Variants in HLA-E observed in about 807,000 individuals in gnomAD.
HLA-E encodes major histocompatibility complex, class I, E, also known as HLA class I histocompatibility antigen, alpha chain E.
In HLA-E, 25 loss-of-function variants were observed where a neutral mutation model predicts 43.4. The observed-to-expected ratio is 0.58, with a 90% CI of 0.42 to 0.80. The LOEUF (loss-of-function observed/expected upper bound fraction) is 0.80, where lower values mean the gene tolerates loss of function less well. HLA-E is among the 30% of genes least tolerant of loss of function. The probability of loss-of-function intolerance (pLI) is 0.00; values close to 1 mark genes in which losing one functional copy is unlikely to be tolerated. For synonymous variants in HLA-E, 161 were observed against 197.6 expected, an observed-to-expected ratio of 0.81 and a Z score of 1.55; for missense variants, 343 against 470.0, an observed-to-expected ratio of 0.73 and a Z score of 2.50.
At position 30,492,994 on chromosome 6, in the gene HLA-E, A is replaced by C; in HGVS notation, c.*248A>C. ...GTGTTCCTTCCCTGTTCTCTTTTCTATTAAAAATAAGAACCTGGGCAGAGT... is the reference window on the plus strand; with the variant it reads ...GTGTTCCTTCCCTGTTCTCTTTTCTCTTAAAAATAAGAACCTGGGCAGAGT... On this transcript the variant is annotated 3_prime_UTR_variant, in exon 8 of 8. Transcript: ENST00000376630. This position sits in a 1 kb window ranked among gnomAD's most constrained non-coding sequence, Gnocchi z 4.5. 1 of 217,210 alleles carries C rather than the reference A, an allele frequency of 4.6e-6. No homozygotes were observed. Among genetic ancestry groups the C allele is most frequent in the Non-Finnish European group, 9.0e-6 (1 of 111,208 alleles). The allele number at this position is 217,210 out of a possible 1,614,324, so 13.5% of individuals were successfully genotyped here. A position where few individuals can be genotyped will look rare whatever the true frequency, so the allele number is the denominator to read the frequency against.
At position 30,489,572 on chromosome 6, in the gene HLA-E, T is replaced by A. The variant is rs1796383631; in HGVS notation, c.41T>A (p.Leu14Gln). ...CTCCTTTTACTCCTCTCGGAGGCCC[T>A]GGCCCTTACCCAGACCTGGGCGGGT... ...GTLLLLLSEALALTQTWAGSH... is the reference protein window; with the variant it reads ...GTLLLLLSEAQALTQTWAGSH... Residue 14 changes from leucine (L) to glutamine (Q), a missense_variant, in exon 1 of 8, where the codon CTG (leucine) becomes CAG (glutamine). Coordinates refer to ENST00000376630, the MANE Select transcript of HLA-E (RefSeq NM_005516.6). The surrounding 1 kb of genome is among the most constrained non-coding windows in gnomAD (Gnocchi z 5.6). The A allele has an allele frequency of 6.5e-7, 1 of 1,550,206 alleles. No individual in the cohort carries two copies. The highest frequency in any genetic ancestry group is 1.4e-5 in the African/African-American group (1 of 72,778).
In HLA-E at chr6:30,490,138, C is replaced by A. The variant is rs1796439596; in HGVS notation, c.335-102C>A. The A allele has an allele frequency of 3.3e-6, 5 of 1,508,204 alleles. No individual in the cohort carries two copies. The highest frequency in any genetic ancestry group is 4.5e-6 in the Non-Finnish European group (5 of 1,112,714). The allele number at this position is 1,508,204 out of a possible 1,614,324, so 93.4% of individuals were successfully genotyped here. A position where few individuals can be genotyped will look rare whatever the true frequency, so the allele number is the denominator to read the frequency against. On this transcript the variant is annotated intron_variant, in intron 2 of 7. Transcript: ENST00000376630. The surrounding 1 kb of genome is among the most constrained non-coding windows in gnomAD (Gnocchi z 6.6). ...ACCCTAGACCGGGGAGAGTCTCAGG[C>A]GCCTTTACCCGGTTCTTTTTCAGTT...
rs1796584164 is a variant in HLA-E, at chr6:30,492,110, C to CTT, written c.1004-291_1004-290dup. 6.6e-6 allele frequency among the ~76,000 whole-genome samples: 1 copy of CTT among 152,056 alleles called. No individual in the cohort carries two copies. Among genetic ancestry groups the CTT allele is most frequent in the Admixed American group, 6.6e-5 (1 of 15,248 alleles). Reference sequence around the variant, plus strand: ...GCCACCGCACCCAGCCGCACCTACTCTTTTGTAAAGCACCTGTGACAATGA... The same window carrying CTT: ...GCCACCGCACCCAGCCGCACCTACTCTTTTTTGTAAAGCACCTGTGACAATGA... On this transcript the variant is annotated intron_variant, in intron 5 of 7. Transcript: ENST00000376630. The surrounding 1 kb of genome is among the most constrained non-coding windows in gnomAD (Gnocchi z 4.5).
rs1203383457 is a variant in HLA-E, at chr6:30,490,191, C to T, written c.335-49C>T. Reference sequence around the variant, plus strand: ...GGCCAAAATGCCCACAGGGTGGTGGCGACGGGGGCGGGGCTTGGTGGGCGG... The same window carrying T: ...GGCCAAAATGCCCACAGGGTGGTGGTGACGGGGGCGGGGCTTGGTGGGCGG... On this transcript the variant is annotated intron_variant, in intron 2 of 7. Coordinates refer to ENST00000376630, the MANE Select transcript of HLA-E (RefSeq NM_005516.6). The surrounding 1 kb of genome is among the most constrained non-coding windows in gnomAD (Gnocchi z 6.6). 5 of 1,546,238 alleles carry T rather than the reference C, an allele frequency of 3.2e-6. No homozygotes were observed. Among genetic ancestry groups the T allele is most frequent in the Non-Finnish European group, 4.4e-6 (5 of 1,138,154 alleles).
At position 30,492,565 on chromosome 6, in the gene HLA-E, A is replaced by G; in HGVS notation, c.1061A>G (p.Glu354Gly). 1 of 1,613,898 alleles carries G rather than the reference A, an allele frequency of 6.2e-7. No individual in the cohort carries two copies. The highest frequency in any genetic ancestry group is 1.1e-5 in the South Asian group (1 of 91,074). Residue 354 changes from glutamate (E) to glycine (G), a missense_variant, in exon 7 of 8, where the codon GAG (glutamate) becomes GGG (glycine). Coordinates refer to ENST00000376630, the MANE Select transcript of HLA-E (RefSeq NM_005516.6). This position sits in a 1 kb window ranked among gnomAD's most constrained non-coding sequence, Gnocchi z 4.5. ...AEWSDSAQGS[E>G]SHSL ...GGGAGCGACAGTGCCCAGGGGTCTG[A>G]GTCTCACAGCTTGTAAAGGTGAGAT...
rs971467378 is a variant in HLA-E, at chr6:30,489,869, G to A, written c.208G>A (p.Ala70Thr). ...CGCGAGTCCGAGGATGGTGCCGCGG[G>A]CGCCGTGGATGGAGCAGGAGGGGTC... ...DAASPRMVPR[A>T]PWMEQEGSEY... Residue 70 changes from alanine (A) to threonine (T), a missense_variant, in exon 2 of 8, where the codon GCG becomes ACG. Coordinates refer to ENST00000376630, the MANE Select transcript of HLA-E (RefSeq NM_005516.6). The surrounding 1 kb of genome is among the most constrained non-coding windows in gnomAD (Gnocchi z 5.6). 4 of 1,613,082 alleles carry A rather than the reference G, an allele frequency of 2.5e-6. No homozygotes were observed. Among genetic ancestry groups the A allele is most frequent in the Non-Finnish European group, 3.4e-6 (4 of 1,180,014 alleles).
At position 30,492,838 on chromosome 6, in the gene HLA-E, T is replaced by A; in HGVS notation, c.*92T>A. ...GATTTCCTCACGCCTCCCCTATGTG[T>A]CTTAGGGGACTCTGGCTTCTCTTTT... On this transcript the variant is annotated 3_prime_UTR_variant, in exon 8 of 8. Transcript: ENST00000376630. The surrounding 1 kb of genome is among the most constrained non-coding windows in gnomAD (Gnocchi z 4.5). The A allele has an allele frequency of 3.2e-6, 2 of 625,958 alleles. No individual in the cohort carries two copies. Among genetic ancestry groups the A allele is most frequent in the Non-Finnish European group, 5.7e-6 (2 of 351,124 alleles). 38.8% of individuals were successfully genotyped at this position (625,958 alleles called of 1,614,324 possible).
chr6:30,489,693 G>A lies in HLA-E; in HGVS notation c.65-33G>A, dbSNP rs1796398786. ...CTCGGGGAGCCGCGCCGGGAGGAGG[G>A]TCGGGCCGATCTCAGCCCCTCCTCG... is the stretch of plus-strand genomic sequence containing the variant. On this transcript the variant is annotated intron_variant, in intron 1 of 7. Coordinates refer to ENST00000376630, the MANE Select transcript of HLA-E (RefSeq NM_005516.6). This position sits in a 1 kb window ranked among gnomAD's most constrained non-coding sequence, Gnocchi z 5.6. The A allele has an allele frequency of 1.2e-6, 2 of 1,611,694 alleles. No homozygotes were observed. The highest frequency in any genetic ancestry group is 1.7e-6 in the Non-Finnish European group (2 of 1,179,492).
In HLA-E at chr6:30,492,949, C is replaced by A; in HGVS notation, c.*203C>A. The A allele has an allele frequency of 2.9e-6, 1 of 349,632 alleles. No homozygotes were observed. The highest frequency in any genetic ancestry group is 5.2e-6 in the Non-Finnish European group (1 of 192,964). The allele number at this position is 349,632 out of a possible 1,614,324, so 21.7% of individuals were successfully genotyped here. ...AGTCCACCTCTGTGTCTACCATGAC[C>A]CCCTTCCTCACACTGACCTGTGTTC... On this transcript the variant is annotated 3_prime_UTR_variant, in exon 8 of 8. Coordinates refer to ENST00000376630, the MANE Select transcript of HLA-E (RefSeq NM_005516.6). This position sits in a 1 kb window ranked among gnomAD's most constrained non-coding sequence, Gnocchi z 4.5.
rs1189421894 is a variant in HLA-E, at chr6:30,490,806, T to A, written c.610+291T>A. Among the ~76,000 whole-genome samples the A allele has an allele frequency of 1.3e-5, 2 of 152,148 alleles. No individual in the cohort carries two copies. Among genetic ancestry groups the A allele is most frequent in the African/African-American group, 4.8e-5 (2 of 41,420 alleles). On this transcript the variant is annotated intron_variant, in intron 3 of 7. Coordinates refer to ENST00000376630, the MANE Select transcript of HLA-E (RefSeq NM_005516.6). The surrounding 1 kb of genome is among the most constrained non-coding windows in gnomAD (Gnocchi z 6.6). ...TCTCTTTGACTCCCAGTATTAGGAA[T>A]CACGGGGGAGTTTCTCTCGTGCCTG...
Position 30,491,911 on chromosome 6 carries a change from C to T in HLA-E, c.1003+258C>T, listed in dbSNP as rs530135961. ...TCCCAGGTTCAAGCAATTCTCCTGC[C>T]TCAGCCTCCCTAGTAGCTGGGACTA... On this transcript the variant is annotated intron_variant, in intron 5 of 7. Coordinates refer to ENST00000376630, the MANE Select transcript of HLA-E (RefSeq NM_005516.6). This position sits in a 1 kb window ranked among gnomAD's most constrained non-coding sequence, Gnocchi z 5.4. Among the ~76,000 whole-genome samples, 1 of 152,268 alleles carries T rather than the reference C, an allele frequency of 6.6e-6. No individual in the cohort carries two copies. Among genetic ancestry groups the T allele is most frequent in the East Asian group, 1.9e-4 (1 of 5,178 alleles).
At position 30,492,797 on chromosome 6, in the gene HLA-E, T is replaced by C; in HGVS notation, c.*51T>C. 1.5e-6 allele frequency: 1 copy of C among 676,196 alleles called. No homozygotes were observed. Among genetic ancestry groups the C allele is most frequent in the Non-Finnish European group, 2.7e-6 (1 of 374,952 alleles). 41.9% of individuals were successfully genotyped at this position (676,196 alleles called of 1,614,324 possible). ...GACTGAGATGCACAGCTGCCTTGTG[T>C]GCGACTGAGATGCAGGATTTCCTCA... On this transcript the variant is annotated 3_prime_UTR_variant, in exon 8 of 8. Transcript: ENST00000376630. The surrounding 1 kb of genome is among the most constrained non-coding windows in gnomAD (Gnocchi z 4.5).
chr6:30,490,106 C>T lies in HLA-E; in HGVS notation c.334+111C>T. On this transcript the variant is annotated intron_variant, in intron 2 of 7. Transcript: ENST00000376630. The surrounding 1 kb of genome is among the most constrained non-coding windows in gnomAD (Gnocchi z 6.6). ...AGATTCACCCCAAGGCTGCGGAACC[C>T]GCCCAGACCCTAGACCGGGGAGAGT... The T allele has an allele frequency of 6.7e-7, 1 of 1,501,484 alleles. No individual in the cohort carries two copies. Among genetic ancestry groups the T allele is most frequent in the South Asian group, 1.2e-5 (1 of 80,784 alleles). 93.0% of individuals were successfully genotyped at this position (1,501,484 alleles called of 1,614,324 possible). A position where few individuals can be genotyped will look rare whatever the true frequency, so the allele number is the denominator to read the frequency against.
At position 30,493,758 on chromosome 6, in the gene HLA-E, T is replaced by A. The variant is rs1796688635; in HGVS notation, c.*1012T>A. 1 of 152,132 alleles carries A rather than the reference T, an allele frequency of 6.6e-6. No homozygotes were observed. The highest frequency in any genetic ancestry group is 6.6e-5 in the Admixed American group (1 of 15,260). The allele number at this position is 152,132 out of a possible 1,614,324, so 9.4% of individuals were successfully genotyped here. On this transcript the variant is annotated 3_prime_UTR_variant, in exon 8 of 8. Transcript: ENST00000376630. This position sits in a 1 kb window ranked among gnomAD's most constrained non-coding sequence, Gnocchi z 5.5. ...ACTAGAGTGATGCTAAGTGGAAATG[T>A]GAGGTGCAGCTGCCACAGAGGGCCC...
In HLA-E at chr6:30,492,842, A is replaced by G. The variant is rs951680060; in HGVS notation, c.*96A>G. ...TCCTCACGCCTCCCCTATGTGTCTT[A>G]GGGGACTCTGGCTTCTCTTTTTGCA... On this transcript the variant is annotated 3_prime_UTR_variant, in exon 8 of 8. Transcript: ENST00000376630. This position sits in a 1 kb window ranked among gnomAD's most constrained non-coding sequence, Gnocchi z 4.5. The G allele has an allele frequency of 1.6e-6, 1 of 619,270 alleles. No individual in the cohort carries two copies. The highest frequency in any genetic ancestry group is 1.8e-5 in the African/African-American group (1 of 54,632). 38.4% of individuals were successfully genotyped at this position (619,270 alleles called of 1,614,324 possible).
chr6:30,492,673 T>A lies in HLA-E; in HGVS notation c.*3-76T>A. 7.7e-7 allele frequency: 1 copy of A among 1,307,184 alleles called. No individual in the cohort carries two copies. Among genetic ancestry groups the A allele is most frequent in the Non-Finnish European group, 1.1e-6 (1 of 918,200 alleles). The allele number at this position is 1,307,184 out of a possible 1,614,324, so 81.0% of individuals were successfully genotyped here. A position where few individuals can be genotyped will look rare whatever the true frequency, so the allele number is the denominator to read the frequency against. On this transcript the variant is annotated intron_variant, in intron 7 of 7. Coordinates refer to ENST00000376630, the MANE Select transcript of HLA-E (RefSeq NM_005516.6). This position sits in a 1 kb window ranked among gnomAD's most constrained non-coding sequence, Gnocchi z 4.5. ...GATTTTTTGATTCAGAATTTTTGAG[T>A]GTGTGGTGGGCTGTTCAGAGTGTCA...
Position 30,491,237 on chromosome 6 carries a change from C to G in HLA-E, c.711C>G (p.Thr237=), listed in dbSNP as rs751252641. ...LGFYPAEITL[T]WQQDGEGHTQ... The stretch of plus-strand genomic sequence containing the variant: ...TCTACCCTGCGGAGATCACACTGAC[C>G]TGGCAGCAGGATGGGGAGGGCCATA... Residue 237 remains threonine (T), a synonymous_variant, in exon 4 of 8, where the codon ACC becomes ACG. Transcript: ENST00000376630. The surrounding 1 kb of genome is among the most constrained non-coding windows in gnomAD (Gnocchi z 5.4). 6.2e-7 allele frequency: 1 copy of G among 1,614,086 alleles called. No individual in the cohort carries two copies. Among genetic ancestry groups the G allele is most frequent in the Admixed American group, 1.7e-5 (1 of 60,030 alleles).
In HLA-E at chr6:30,490,130, G is replaced by A. The variant is rs1398897140; in HGVS notation, c.335-110G>A. The A allele has an allele frequency of 5.3e-6, 8 of 1,510,668 alleles. No homozygotes were observed. Among genetic ancestry groups the A allele is most frequent in the Admixed American group, 2.0e-5 (1 of 51,064 alleles). 93.6% of individuals were successfully genotyped at this position (1,510,668 alleles called of 1,614,324 possible). A position where few individuals can be genotyped will look rare whatever the true frequency, so the allele number is the denominator to read the frequency against. On this transcript the variant is annotated intron_variant, in intron 2 of 7. Coordinates refer to ENST00000376630, the MANE Select transcript of HLA-E (RefSeq NM_005516.6). The surrounding 1 kb of genome is among the most constrained non-coding windows in gnomAD (Gnocchi z 6.6). ...CCGCCCAGACCCTAGACCGGGGAGA[G>A]TCTCAGGCGCCTTTACCCGGTTCTT...
At position 30,489,531 on chromosome 6, in the gene HLA-E, C is replaced by T. The variant is rs368803466; in HGVS notation, c.-1C>T. 8 of 1,519,882 alleles carry T rather than the reference C, an allele frequency of 5.3e-6. No individual in the cohort carries two copies. The highest frequency in any genetic ancestry group is 1.3e-5 in the South Asian group (1 of 75,858). 94.1% of individuals were successfully genotyped at this position (1,519,882 alleles called of 1,614,324 possible). A position where few individuals can be genotyped will look rare whatever the true frequency, so the allele number is the denominator to read the frequency against. On this transcript the variant is annotated 5_prime_UTR_variant, in exon 1 of 8. Coordinates refer to ENST00000376630, the MANE Select transcript of HLA-E (RefSeq NM_005516.6). The surrounding 1 kb of genome is among the most constrained non-coding windows in gnomAD (Gnocchi z 5.6). Reference sequence around the variant, plus strand: ...GTTCTCAGGACTCAGAGGCTGGGATCATGGTAGATGGAACCCTCCTTTTAC... The same window carrying T: ...GTTCTCAGGACTCAGAGGCTGGGATTATGGTAGATGGAACCCTCCTTTTAC...
Sources: allele counts gnomAD v4.1 joint callset (sites outside exome capture counted in the v4.1 genomes callset), GRCh38; gene constraint gnomAD v4.1.1; non-coding constraint Gnocchi (gnomAD v3.1); transcripts MANE v1.5; gene names NCBI Gene and HGNC (gene_info 2026-07-23, HGNC 2026-07-21).